ABR: variants seen among roughly 807,000 people sequenced by gnomAD.
ABR encodes active breakpoint cluster region-related protein.
Under a neutral mutation model 107.2 loss-of-function variants are expected in ABR, and 35 were observed. That is an observed-to-expected ratio of 0.33 (90% CI 0.25 to 0.43). The LOEUF is 0.43. ABR is among the 20% of genes least tolerant of loss of function. The pLI is 1.00. For missense variants in ABR, 815 were observed against 1,115.2 expected (o/e 0.73, Z 3.83); for synonymous variants, 498 against 462.0 (o/e 1.08, Z -1.00).
intron 3 of ABR, among the ~76,000 whole-genome samples, chr17:1,097,556 A>T (rs1367733188): frequency 7.2e-6 from 1 of 138,434 alleles, no homozygotes; most frequent in Non-Finnish European, 1.5e-5. Flanking sequence ...GTGCCACTGC[A>T]CTCCAGCCTG....
At chr17:1,058,110 G>A in intron 11 of ABR, 65 bp from the exon 12 acceptor site, 1 of 1,083,362 alleles carries the variant, frequency 9.2e-7, no homozygotes, top group Non-Finnish European at 1.4e-6. Context: ...CCCAGATCCT[G>A]GGGACCCCAA....
chr17:1,163,259 C>T (rs1291224971), intron 1 of ABR, among the ~76,000 whole-genome samples: 1 of 152,248 alleles, frequency 6.6e-6, no homozygotes, highest in Non-Finnish European at 1.5e-5. Flanking sequence ...GCTATTATCA[C>T]TGGCCACTCT....
Position 1,078,688 on chromosome 17 carries a change from G to T in ABR, c.700+642C>A. ...CCGCCAAAACGAAGGGGGAATTCAG[G>T]TCCAGCCGCTCGCCCACCCTCCTTC... On this transcript the variant is annotated intron_variant, in intron 6 of 22. Coordinates refer to ENST00000302538, the MANE Select transcript of ABR (RefSeq NM_021962.5). The surrounding 1 kb of genome is among the most constrained non-coding windows in gnomAD (Gnocchi z 7.5). The T allele has an allele frequency of 9.9e-7, 1 of 1,011,546 alleles. No homozygotes were observed. The highest frequency in any genetic ancestry group is 1.4e-6 in the Non-Finnish European group (1 of 696,790). 62.7% of individuals were successfully genotyped at this position (1,011,546 alleles called of 1,614,324 possible).
intron 16 of ABR, among the ~76,000 whole-genome samples, chr17:1,020,746 T>A (rs958682060): frequency 6.6e-6 from 1 of 152,196 alleles, no homozygotes; most frequent in Non-Finnish European, 1.5e-5. Flanking sequence ...CACGCACACC[T>A]GAGCGTCCTC....
intron 4 of ABR, among the ~76,000 whole-genome samples, chr17:1,088,083 C>G (rs1054899387): frequency 1.3e-5 from 2 of 152,186 alleles, no homozygotes; most frequent in African/African-American, 4.8e-5. Context: ...AGACCTGACC[C>G]GGCTCCCCCC....
Position 1,004,817 on chromosome 17 carries a change from C to T in ABR, c.*1263G>A, listed in dbSNP as rs529767240. On this transcript the variant is annotated 3_prime_UTR_variant, in exon 23 of 23. Transcript: ENST00000302538. ...AAAAGGCTGTATCCAGAAGCTGGGG[C>T]GGCACCACAATGGCTGGCCACCGTG... The T allele has an allele frequency of 6.2e-5, 24 of 385,878 alleles. No homozygotes were observed. The highest frequency in any genetic ancestry group is 1.3e-3 in the Middle Eastern group (2 of 1,562). The allele number at this position is 385,878 out of a possible 1,614,324, so 23.9% of individuals were successfully genotyped here. A position where few individuals can be genotyped will look rare whatever the true frequency, so the allele number is the denominator to read the frequency against.
At chr17:1,218,457 A>G (rs576044236) in intron 1 of ABR, among the ~76,000 whole-genome samples, 62 of 152,320 alleles carry the variant, frequency 4.1e-4, no homozygotes, top group African/African-American at 1.5e-3. Flanking sequence ...AGAGGTTAAC[A>G]GTTAGTGGTG....
At chr17:1,101,975 C>T (rs1205322178) in intron 2 of ABR, among the ~76,000 whole-genome samples, 11 of 151,984 alleles carry the variant, frequency 7.2e-5, no homozygotes, top group Non-Finnish European at 1.3e-4. Flanking sequence ...CCTCGTGATC[C>T]GCCCGCCTTG....
intron 1 of ABR, among the ~76,000 whole-genome samples, chr17:1,129,264 A>G (rs1419277989): frequency 6.6e-6 from 1 of 152,224 alleles, no homozygotes; most frequent in East Asian, 1.9e-4. Flanking sequence ...AGGGCCAGGC[A>G]CAGGGGCTCA....
chr17:1,027,738 G>A lies in ABR; in HGVS notation c.1792-14574C>T, dbSNP rs181361130. On this transcript the variant is annotated intron_variant, in intron 16 of 22. Transcript: ENST00000302538. The surrounding 1 kb of genome is among the most constrained non-coding windows in gnomAD (Gnocchi z 4.7). ...GTAGTCCCCTGTCTGTGGCTGAGGGGTCGCTATGGGGGTGTGTGTGAACAG... is the reference window on the plus strand; with the variant it reads ...GTAGTCCCCTGTCTGTGGCTGAGGGATCGCTATGGGGGTGTGTGTGAACAG... 3.0e-4 allele frequency among the ~76,000 whole-genome samples: 45 copies of A among 152,168 alleles called. No homozygotes were observed. Among genetic ancestry groups the A allele is most frequent in the African/African-American group, 9.9e-4 (41 of 41,508 alleles).
At chr17:1,229,182 C>A (rs1208495700) in exon 1 of ABR, among the ~76,000 whole-genome samples, 1 of 151,546 alleles carries the variant, frequency 6.6e-6, no homozygotes, top group Admixed American at 6.6e-5. Flanking sequence ...CTCGTCCGTG[C>A]CGGGAGCCGC....
chr17:1,096,730 G>T (rs2037459550), intron 3 of ABR, among the ~76,000 whole-genome samples: 1 of 147,638 alleles, frequency 6.8e-6, no homozygotes. Context: ...GGGGGAACCT[G>T]CCCCGGGAGG....
intron 1 of ABR, 99 bp from the exon 2 acceptor site, chr17:1,125,466 G>T: frequency 7.0e-7 from 1 of 1,421,480 alleles, no homozygotes; most frequent in Non-Finnish European, 9.8e-7. Flanking sequence ...GGCAGCCATG[G>T]CCCCGGCCGC....
intron 2 of ABR, chr17:1,108,974 G>C: frequency 6.3e-7 from 1 of 1,597,672 alleles, no homozygotes; most frequent in Non-Finnish European, 8.5e-7. Flanking sequence ...GCCGGGGCTG[G>C]TCGGGGTTCC....
chr17:1,125,445 C>A, intron 1 of ABR, 78 bp from the exon 2 acceptor site: 4 of 1,546,748 alleles, frequency 2.6e-6, no homozygotes, highest in Non-Finnish European at 3.5e-6. Context: ...TGGGCGCCGG[C>A]GGCGGCCCCC....
At chr17:1,025,598 G>T (rs1293291139) in intron 16 of ABR, among the ~76,000 whole-genome samples, 1 of 152,190 alleles carries the variant, frequency 6.6e-6, no homozygotes, top group Non-Finnish European at 1.5e-5. Flanking sequence ...CTGCCTCGGG[G>T]TGTGGACCTT....
At chr17:1,163,943 T>C (rs1392475895) in intron 1 of ABR, among the ~76,000 whole-genome samples, 13 of 27,584 alleles carry the variant, frequency 4.7e-4, no homozygotes, top group African/African-American at 2.1e-3. Flanking sequence ...TCGGAGCATC[T>C]AGGTGGGACC....
upstream of ABR, among the ~76,000 whole-genome samples, chr17:1,184,075 G>A (rs755858189): frequency 2.0e-5 from 3 of 151,926 alleles, no homozygotes; most frequent in Admixed American, 6.6e-5. Flanking sequence ...GCCAGGCGTG[G>A]TGCATGTGCC....
In ABR at chr17:1,070,762, C is replaced by A. The variant is rs989596531; in HGVS notation, c.895-672G>T. Among the ~76,000 whole-genome samples the A allele has an allele frequency of 4.6e-5, 7 of 152,202 alleles. No homozygotes were observed. Among genetic ancestry groups the A allele is most frequent in the African/African-American group, 9.7e-5 (4 of 41,446 alleles). On this transcript the variant is annotated intron_variant, in intron 8 of 22. Transcript: ENST00000302538. The surrounding 1 kb of genome is among the most constrained non-coding windows in gnomAD (Gnocchi z 4.2). ...GGAGTTCCAGAGTTTCCAACCCCCG[C>A]TCAGAGCCGGGGGGTCGTCCCCATC...
Sources: allele counts gnomAD v4.1 joint callset (sites outside exome capture counted in the v4.1 genomes callset), GRCh38; gene constraint gnomAD v4.1.1; non-coding constraint Gnocchi (gnomAD v3.1); transcripts MANE v1.5; gene names NCBI Gene and HGNC (gene_info 2026-07-23, HGNC 2026-07-21).